The following GLYCTK variants were observed in gnomAD, a reference collection of about 807,000 sequenced individuals.
GLYCTK encodes the protein glycerate kinase.
Under a neutral mutation model 24.8 loss-of-function variants are expected in GLYCTK, and 22 were observed. The ratio of observed to expected loss-of-function variants is 0.89; its 90% CI spans 0.63 to 1.27. The LOEUF is 1.27. GLYCTK is among the 50% of genes most tolerant of loss of function. The pLI, the probability that GLYCTK is intolerant of heterozygous loss-of-function variation, is 0.00. For missense variants in GLYCTK, 684 were observed against 686.7 expected, an observed-to-expected ratio of 1.00 and a Z score of 0.04; for synonymous variants, 320 against 297.2, an observed-to-expected ratio of 1.08 and a Z score of -0.79.
chr3:52,288,363 C>A (rs1452591640), intron 1 of GLYCTK, among the ~76,000 whole-genome samples: 2 of 152,106 alleles, frequency 1.3e-5, no homozygotes, highest in Non-Finnish European at 2.9e-5. Context: ...CGGGCGCCCA[C>A]CACACCCGGC....
chr3:52,291,231 T>A, intron 3 of GLYCTK, 120 bp downstream of exon 3: 1 of 1,285,266 alleles, frequency 7.8e-7, no homozygotes, highest in Non-Finnish European at 1.1e-6. Flanking sequence ...GCAAGGGAGG[T>A]GGTGAGGAGC....
Position 52,292,356 on chromosome 3 carries a change from C to G in GLYCTK, c.802C>G (p.Leu268Val), listed in dbSNP as rs764782728. The change falls in exon 5 of 5, where the codon CTG becomes GTG. Residue 268 changes from leucine to valine, a missense_variant. Leu to Val is a conservative substitution (Grantham distance 32). Coordinates refer to ENST00000436784, the MANE Select transcript of GLYCTK (RefSeq NM_145262.4). ...VASSHNVQDC[L>V]HILNRYGLRA... ...CAGTTCCCACAATGTGCAAGATTGC[C>G]TGCATATCCTCAATCGCTACGGCCT... 6 of 1,614,056 alleles carry G rather than the reference C, an allele frequency of 3.7e-6. No individual in the cohort carries two copies. The South Asian group carries it at 5.5e-5, about 15-fold the overall frequency.
intron 1 of GLYCTK, chr3:52,288,157 G>T: frequency 6.1e-6 from 1 of 165,210 alleles, no homozygotes; most frequent in Admixed American, 6.1e-5. Context: ...CCGGAGTTTC[G>T]GAGAGACCGT....
chr3:52,292,132 T>G, intron 4 of GLYCTK, 128 bp from the exon 5 acceptor site: 1 of 1,351,036 alleles, frequency 7.4e-7, no homozygotes, highest in Non-Finnish European at 1.0e-6. Context: ...GTGAGAGGAG[T>G]TAACCATGGG....
chr3:52,291,460 G>A (rs760856126), intron 3 of GLYCTK: 1 of 581,982 alleles, frequency 1.7e-6, no homozygotes, highest in East Asian at 2.9e-5. Flanking sequence ...ACCTCATGGA[G>A]TCCTCTCCTT....
At position 52,294,341 on chromosome 3, in the gene GLYCTK, A is replaced by G; in HGVS notation, c.*1215A>G. The G allele has an allele frequency of 1.9e-6, 1 of 534,146 alleles. No individual in the cohort carries two copies. Among genetic ancestry groups the G allele is most frequent in the South Asian group, 1.4e-5 (1 of 71,586 alleles). The allele number at this position is 534,146 out of a possible 1,614,324, so 33.1% of individuals were successfully genotyped here. A position where few individuals can be genotyped will look rare whatever the true frequency, so the allele number is the denominator to read the frequency against. On this transcript the variant is annotated 3_prime_UTR_variant, in exon 5 of 5. Transcript: ENST00000436784. The stretch of plus-strand genomic sequence containing the variant: ...CTCTTGCAGGCACTTCTTCCACCCC[A>G]ACCCTCCCCTCCTCCCTGAGGGTGT...
Position 52,290,298 on chromosome 3 carries a change from C to T in GLYCTK, c.-39-6C>T, listed in dbSNP as rs992382158. The stretch of plus-strand genomic sequence containing the variant: ...CAAGGGCCTCAGTTGTGCTTTTTCC[C>T]TCTAGGCAGCCATGGGTGCCAGGCA... On this transcript the variant is annotated splice_region_variant and splice_polypyrimidine_tract_variant and intron_variant, in intron 1 of 4. Transcript: ENST00000436784. The T allele has an allele frequency of 1.3e-6, 2 of 1,581,552 alleles. No individual in the cohort carries two copies. The highest frequency in any genetic ancestry group is 1.7e-6 in the Non-Finnish European group (2 of 1,169,572).
In GLYCTK at chr3:52,290,605, A is replaced by G. The variant is rs1231062584; in HGVS notation, c.263A>G (p.Lys88Arg). 6.2e-6 allele frequency: 10 copies of G among 1,613,866 alleles called. No homozygotes were observed. The highest frequency in any genetic ancestry group is 7.6e-6 in the Non-Finnish European group (9 of 1,180,030). Residue 88 changes from lysine to arginine, a missense_variant, in exon 2 of 5, where the codon AAG (lysine) becomes AGG (arginine). Lys to Arg is a conservative substitution (Grantham distance 26). Transcript: ENST00000436784. ...RQNLYLVGFGKAVLGMAAAAE... is the reference protein window; with the variant it reads ...RQNLYLVGFGRAVLGMAAAAE... ...AACCTCTACCTGGTGGGCTTTGGCA[A>G]GGCTGTGCTGGGTATGGCAGCTGCA...
rs1700426495 is a variant in GLYCTK at position 52,290,472 on chromosome 3, A to G, written c.130A>G (p.Ser44Gly). ...LAEQARQLFE[S>G]AVGAVLPGPM... ...AGAGCAGGCCAGGCAGCTGTTTGAG[A>G]GTGCTGTAGGTGCAGTGCTGCCGGG... Residue 44 changes from serine to glycine, a missense_variant, in exon 2 of 5, where the codon AGT becomes GGT. Transcript: ENST00000436784. 1.2e-6 allele frequency: 2 copies of G among 1,612,956 alleles called. No homozygotes were observed. Among genetic ancestry groups the G allele is most frequent in the Non-Finnish European group, 1.7e-6 (2 of 1,180,020 alleles).
At chr3:52,289,115 T>A (rs1435308793) in intron 1 of GLYCTK, 1 of 152,100 alleles carries the variant, frequency 6.6e-6, no homozygotes, top group Non-Finnish European at 1.5e-5. Context: ...GTGAGAGAAA[T>A]GGAGGTGTCC....
At chr3:52,288,091 G>C (rs993405614) in intron 1 of GLYCTK, 2 of 201,068 alleles carry the variant, frequency 9.9e-6, no homozygotes, top group African/African-American at 4.7e-5. Context: ...CTTTGATGGC[G>C]GGGAGGAGTC....
Position 52,291,128 on chromosome 3 carries a change from G to T in GLYCTK, c.529+17G>T, listed in dbSNP as rs1329596372. ...TGATCTCAGGTGTGGTACCACATTGGCCCAAGACTGTTGGTGGGGGGTGCA... is the reference window on the plus strand; with the variant it reads ...TGATCTCAGGTGTGGTACCACATTGTCCCAAGACTGTTGGTGGGGGGTGCA... On this transcript the variant is annotated intron_variant, in intron 3 of 4. Transcript: ENST00000436784. 7 of 1,606,844 alleles carry T rather than the reference G, an allele frequency of 4.4e-6. No homozygotes were observed. Among genetic ancestry groups the T allele is most frequent in the Non-Finnish European group, 5.9e-6 (7 of 1,179,902 alleles).
chr3:52,293,675 C>T lies in GLYCTK; in HGVS notation c.*549C>T. On this transcript the variant is annotated 3_prime_UTR_variant, in exon 5 of 5. Coordinates refer to ENST00000436784, the MANE Select transcript of GLYCTK (RefSeq NM_145262.4). ...AGTGTGTGAGGGTTGAGCTTGGCTC[C>T]TGACAGCTTTGATGTGCGTGAGCAG... is the stretch of plus-strand genomic sequence containing the variant. 1 of 454,246 alleles carries T rather than the reference C, an allele frequency of 2.2e-6. No homozygotes were observed. The highest frequency in any genetic ancestry group is 1.6e-5 in the South Asian group (1 of 64,484). The allele number at this position is 454,246 out of a possible 1,614,324, so 28.1% of individuals were successfully genotyped here.
chr3:52,288,480 G>A (rs2153220483), intron 1 of GLYCTK: 1 of 152,530 alleles, frequency 6.6e-6, no homozygotes, highest in East Asian at 1.9e-4. Flanking sequence ...AAAGTGCTGG[G>A]ATTACAGGCG....
At position 52,293,129 on chromosome 3, in the gene GLYCTK, G is replaced by C; in HGVS notation, c.*3G>C. The C allele has an allele frequency of 6.2e-7, 1 of 1,613,336 alleles. No individual in the cohort carries two copies. On this transcript the variant is annotated 3_prime_UTR_variant, in exon 5 of 5. Transcript: ENST00000436784. ...TCTTGTTCCTGCGGCCTCGGTGATGGCATAGGTCACATTTTGGGAGTTCAG... is the reference window on the plus strand; with the variant it reads ...TCTTGTTCCTGCGGCCTCGGTGATGCCATAGGTCACATTTTGGGAGTTCAG...
Position 52,295,254 on chromosome 3 carries a change from T to TG in GLYCTK, c.*2129dup. On this transcript the variant is annotated 3_prime_UTR_variant, in exon 5 of 5. Transcript: ENST00000436784. Reference sequence around the variant, plus strand: ...TCCATAAATGTCAATTTTGGATCATTGAAGTGCCCGTCCCTTGCTCTTGGC... The same window carrying TG: ...TCCATAAATGTCAATTTTGGATCATTGGAAGTGCCCGTCCCTTGCTCTTGGC... The TG allele has an allele frequency of 2.3e-6, 1 of 437,088 alleles. No individual in the cohort carries two copies. The highest frequency in any genetic ancestry group is 4.7e-6 in the Non-Finnish European group (1 of 215,044). The allele number at this position is 437,088 out of a possible 1,614,324, so 27.1% of individuals were successfully genotyped here.
chr3:52,292,362 A>C lies in GLYCTK; in HGVS notation c.808A>C (p.Ile270Leu), dbSNP rs879733158. ...SSHNVQDCLHILNRYGLRAAL... is the reference protein window; with the variant it reads ...SSHNVQDCLHLLNRYGLRAAL... ...CCACAATGTGCAAGATTGCCTGCAT[A>C]TCCTCAATCGCTACGGCCTCCGTGC... The change falls in exon 5 of 5, where the codon ATC becomes CTC. Residue 270 changes from isoleucine to leucine, a missense_variant. Physicochemically the swap from Ile to Leu is conservative, Grantham distance 5 (BLOSUM62 2). Coordinates refer to ENST00000436784, the MANE Select transcript of GLYCTK (RefSeq NM_145262.4). The C allele has an allele frequency of 1.4e-5, 22 of 1,613,844 alleles. No homozygotes were observed. Among genetic ancestry groups the C allele is most frequent in the Non-Finnish European group, 1.8e-5 (21 of 1,180,012 alleles).
chr3:52,290,460 C>A lies in GLYCTK; in HGVS notation c.118C>A (p.Gln40Lys), dbSNP rs1178743840. 1 of 1,612,826 alleles carries A rather than the reference C, an allele frequency of 6.2e-7. No homozygotes were observed. Among genetic ancestry groups the A allele is most frequent in the Non-Finnish European group, 8.5e-7 (1 of 1,180,044 alleles). Residue 40 changes from glutamine (Q) to lysine (K), a missense_variant, in exon 2 of 5, where the codon CAG becomes AAG. Gln to Lys is a moderately conservative substitution (Grantham distance 53). Transcript: ENST00000436784. ...CATGGCCTTGGCAGAGCAGGCCAGG[C>A]AGCTGTTTGAGAGTGCTGTAGGTGC... Reference protein sequence around the residue: ...SSMALAEQARQLFESAVGAVL... With the variant: ...SSMALAEQARKLFESAVGAVL...
chr3:52,292,230 C>T, intron 4 of GLYCTK, 30 bp from the exon 5 acceptor site: 2 of 1,613,166 alleles, frequency 1.2e-6, no homozygotes, highest in Non-Finnish European at 8.5e-7. Flanking sequence ...AGGAAGTGGG[C>T]CTGAGCCTTG....
Sources: allele counts gnomAD v4.1 joint callset (sites outside exome capture counted in the v4.1 genomes callset), GRCh38; gene constraint gnomAD v4.1.1; transcripts MANE v1.5; gene names NCBI Gene and HGNC (gene_info 2026-07-23, HGNC 2026-07-21).